Variants in GRM4 observed in about 807,000 individuals in gnomAD.
GRM4 encodes the protein glutamate metabotropic receptor 4.
In GRM4, 28 loss-of-function variants were observed where a neutral mutation model predicts 81.7. The observed-to-expected ratio is 0.34, with a 90% CI of 0.25 to 0.47. GRM4 has a LOEUF of 0.47. GRM4 is among the 20% of genes least tolerant of loss of function. GRM4 has a pLI of 1.00. For missense variants in GRM4, 948 were observed against 1,290.0 expected (o/e 0.73, Z 4.06); for synonymous variants, 488 against 528.8 (o/e 0.92, Z 1.06).
rs914007935 is a variant in GRM4, at chr6:34,154,986, G to C, written c.312+93C>G. ...GGCCGGGCCTGGGGCGGGTCCGAGC[G>C]GGACCCAGGCCCAGTCTACGCCTCC... is the stretch of plus-strand genomic sequence containing the variant. On this transcript the variant is annotated intron_variant, in intron 1 of 8. Coordinates refer to the GRM4 transcript ENST00000374177. 8 of 1,076,738 alleles carry C rather than the reference G, an allele frequency of 7.4e-6. No homozygotes were observed. The African/African-American group carries it at 1.3e-4, about 17-fold the overall frequency. 66.7% of individuals were successfully genotyped at this position (1,076,738 alleles called of 1,614,324 possible).
Position 34,059,419 on chromosome 6 carries a change from C to T in GRM4, c.873-291G>A, listed in dbSNP as rs1766072442. 3 of 429,520 alleles carry T rather than the reference C, an allele frequency of 7.0e-6. No individual in the cohort carries two copies. Among genetic ancestry groups the T allele is most frequent in the Admixed American group, 3.8e-5 (1 of 26,558 alleles). 26.6% of individuals were successfully genotyped at this position (429,520 alleles called of 1,614,324 possible). A position where few individuals can be genotyped will look rare whatever the true frequency, so the allele number is the denominator to read the frequency against. ...ACATCTGTCCCTGCAAAGACCACAC[C>T]TCTCCCCTCCAGATCCACACCCGCC... On this transcript the variant is annotated intron_variant, in intron 4 of 10. Transcript: ENST00000538487. The surrounding 1 kb of genome is among the most constrained non-coding windows in gnomAD (Gnocchi z 5.7).
chr6:34,132,384 C>T (rs1021925746), intron 2 of GRM4, among the ~76,000 whole-genome samples: 1 of 152,218 alleles, frequency 6.6e-6, no homozygotes, highest in African/African-American at 2.4e-5. Flanking sequence ...AATGAGGACA[C>T]ATTCTCCAAC....
intron 2 of GRM4, among the ~76,000 whole-genome samples, chr6:34,119,135 C>A (rs1769704482): frequency 6.6e-6 from 1 of 152,210 alleles, no homozygotes; most frequent in South Asian, 2.1e-4. Flanking sequence ...GTGGATCACG[C>A]CTGTAATCCC....
chr6:34,112,262 C>T (rs2127499757), intron 2 of GRM4, among the ~76,000 whole-genome samples: 1 of 152,332 alleles, frequency 6.6e-6, no homozygotes, highest in African/African-American at 2.4e-5. Flanking sequence ...TTCTTTTCCT[C>T]CTCTCCCCCG....
At chr6:34,056,385 C>T in intron 6 of GRM4, 159 bp downstream of exon 6, 1 of 642,376 alleles carries the variant, frequency 1.6e-6, no homozygotes, top group Non-Finnish European at 2.7e-6. Context: ...GGCCCCGCCC[C>T]AGGCCTCCCA....
chr6:34,075,535 C>T (rs548307436), intron 3 of GRM4, among the ~76,000 whole-genome samples: 13 of 152,300 alleles, frequency 8.5e-5, no homozygotes, highest in East Asian at 1.9e-4. Flanking sequence ...TCATCGTGCC[C>T]GTCTGCTCCT....
intron 4 of GRM4, chr6:34,061,493 G>C (rs1266677827): frequency 5.9e-6 from 1 of 168,886 alleles, no homozygotes; most frequent in Non-Finnish European, 1.3e-5. Flanking sequence ...TATCAGGCAG[G>C]TATCATTAAC....
At chr6:34,055,851 C>G (rs933092834) in intron 6 of GRM4, 8 of 152,296 alleles carry the variant, frequency 5.3e-5, no homozygotes, top group African/African-American at 1.9e-4. Flanking sequence ...GGCCCGATCA[C>G]TGCCCCTCCC....
intron 3 of GRM4, among the ~76,000 whole-genome samples, chr6:34,067,896 C>CTGCAGGCACATCTTCAGGGAAG (rs1766569570): frequency 6.6e-6 from 1 of 152,206 alleles, no homozygotes; most frequent in African/African-American, 2.4e-5. Flanking sequence ...TACTGAGCAT[C>CTGCAGGCACATCTTCAGGGAAG]TGCAGGCACA....
chr6:34,137,294 G>A (rs1019949625), intron 1 of GRM4, among the ~76,000 whole-genome samples: 2 of 152,246 alleles, frequency 1.3e-5, no homozygotes, highest in African/African-American at 2.4e-5. Context: ...GGAGGACAGA[G>A]CCAGGCATGG....
chr6:34,136,761 CT>C lies in GRM4; in HGVS notation c.-363-2903del, dbSNP rs1293978659. ...GGTCCCAGCCCCTGCCCACAGGTCC[CT>C]ATCCACCCCTCAGTCCCACCAGGCC... is the stretch of plus-strand genomic sequence containing the variant. On this transcript the variant is annotated intron_variant, in intron 1 of 10. Coordinates refer to ENST00000538487, the MANE Select transcript of GRM4 (RefSeq NM_000841.4). This position sits in a 1 kb window ranked among gnomAD's most constrained non-coding sequence, Gnocchi z 4.1. 6.6e-6 allele frequency among the ~76,000 whole-genome samples: 1 copy of C among 152,200 alleles called. No individual in the cohort carries two copies. The highest frequency in any genetic ancestry group is 1.5e-5 in the Non-Finnish European group (1 of 68,016).
chr6:34,091,505 A>C, intron 3 of GRM4: 1 of 218,560 alleles, frequency 4.6e-6, no homozygotes, highest in Admixed American at 5.4e-5. Flanking sequence ...TTCCTCTGAG[A>C]GCCTGCCTGG....
At chr6:34,071,411 C>T (rs368163435) in intron 3 of GRM4, among the ~76,000 whole-genome samples, 1 of 94,882 alleles carries the variant, frequency 1.1e-5, no homozygotes, top group African/African-American at 4.1e-5. Context: ...AAACACCACA[C>T]AGACACACAC....
rs537159287 is a variant in GRM4, at chr6:34,120,085, G to A, written c.519+12893C>T. Reference sequence around the variant, plus strand: ...TGGGAATGTATGATGCATTCAAACAGTAATACCGTAACTTAGAAGAATGAC... The same window carrying A: ...TGGGAATGTATGATGCATTCAAACAATAATACCGTAACTTAGAAGAATGAC... On this transcript the variant is annotated intron_variant, in intron 2 of 10. Transcript: ENST00000538487. Among the ~76,000 whole-genome samples, 22 of 152,316 alleles carry A rather than the reference G, an allele frequency of 1.4e-4. 1 individual carries two copies. The South Asian group carries it at 4.6e-3, about 32-fold the overall frequency.
chr6:34,097,101 G>A (rs898999327), intron 2 of GRM4, among the ~76,000 whole-genome samples: 6 of 152,200 alleles, frequency 3.9e-5, no homozygotes, highest in Non-Finnish European at 5.9e-5. Flanking sequence ...AACAACTGCC[G>A]TCAGCGGGCT....
At position 34,040,927 on chromosome 6, in the gene GRM4, G is replaced by A. The variant is rs554792211; in HGVS notation, c.1169-179C>T. ...ACCCAGGAGATGGCCCTGTGGAGGT[G>A]CCTGGAGACAGGCCCATGGGTGTAA... On this transcript the variant is annotated intron_variant, in intron 6 of 10. Coordinates refer to ENST00000538487, the MANE Select transcript of GRM4 (RefSeq NM_000841.4). 5.9e-5 allele frequency among the ~76,000 whole-genome samples: 9 copies of A among 152,300 alleles called. No homozygotes were observed. In the South Asian group the frequency reaches 1.9e-3, roughly 32 times the overall value.
Position 34,035,935 on chromosome 6 carries a change from C to T in GRM4, c.2175G>A (p.Ser725=), listed in dbSNP as rs1351192445. 5.0e-6 allele frequency: 8 copies of T among 1,610,512 alleles called. No homozygotes were observed. Among genetic ancestry groups the T allele is most frequent in the Non-Finnish European group, 6.8e-6 (8 of 1,177,136 alleles). ...TCCGCTGGTCCTGGAAGTCCACCAC[C>T]GAGTGGGAGGGGTCCACCACAAACC... ...CVWFVVDPSH[S]VVDFQDQRTL... is the part of the protein sequence containing the mutation. The change falls in exon 9 of 11, where the codon TCG becomes TCA. Residue 725 remains serine (S), a synonymous_variant. Transcript: ENST00000538487. This position sits in a 1 kb window ranked among gnomAD's most constrained non-coding sequence, Gnocchi z 6.6.
Position 34,036,396 on chromosome 6 carries a change from C to A in GRM4, c.1714G>T (p.Gly572Cys). 6.2e-7 allele frequency: 1 copy of A among 1,612,008 alleles called. No individual in the cohort carries two copies. The change falls in exon 9 of 11, where the codon GGC (glycine) becomes TGC (cysteine). Residue 572 changes from glycine to cysteine, a missense_variant. Physicochemically the swap from Gly to Cys is radical, Grantham distance 159. Transcript: ENST00000538487. The surrounding 1 kb of genome is among the most constrained non-coding windows in gnomAD (Gnocchi z 9.0). ...TTGATGATGGGGATGGGCCGGCAGC[C>A]CGTGCGGTTCTCTGTGGGCCGCATG... ...YDMRPTENRT[G>C]CRPIPIIKLE... is the part of the protein sequence containing the mutation.
chr6:34,038,176 T>C (rs1475665631), intron 8 of GRM4, among the ~76,000 whole-genome samples: 3 of 152,252 alleles, frequency 2.0e-5, no homozygotes, highest in African/African-American at 7.2e-5. Flanking sequence ...GAGCAGTGAC[T>C]GAGGTCAAGT....
Sources: allele counts gnomAD v4.1 joint callset (sites outside exome capture counted in the v4.1 genomes callset), GRCh38; gene constraint gnomAD v4.1.1; non-coding constraint Gnocchi (gnomAD v3.1); transcripts MANE v1.5; gene names NCBI Gene and HGNC (gene_info 2026-07-23, HGNC 2026-07-21).